Variants in SH3PXD2A observed in about 807,000 individuals in gnomAD.
SH3PXD2A encodes the protein SH3 and PX domains 2A.
A neutral mutation model predicts 115.2 loss-of-function variants in SH3PXD2A; 32 were observed. That is an observed-to-expected ratio of 0.28 (90% CI 0.21 to 0.37). The LOEUF (loss-of-function observed/expected upper bound fraction) is 0.37, where lower values mean the gene tolerates loss of function less well. Among genes scored for constraint, SH3PXD2A ranks in the 10% least tolerant of loss-of-function variants. SH3PXD2A has a pLI of 1.00. For missense variants in SH3PXD2A, 1,328 were observed against 1,498.7 expected (o/e 0.89, Z 1.88); for synonymous variants, 610 against 629.1 (o/e 0.97, Z 0.45).
At chr10:103,639,627 GAAAA>G (rs1432822653) in intron 8 of SH3PXD2A, among the ~76,000 whole-genome samples, 913 of 70,720 alleles carry the variant, frequency 0.013, 15 homozygotes, top group African/African-American at 0.045. Context: ...AAAAAAAAAA[GAAAA>G]AGAAAAAAAA....
intron 8 of SH3PXD2A, among the ~76,000 whole-genome samples, chr10:103,656,052 T>C (rs912935627): frequency 3.9e-5 from 6 of 152,226 alleles, no homozygotes; most frequent in Non-Finnish European, 4.4e-5. Flanking sequence ...AGAAAACAAA[T>C]TGATTTCTAC....
At chr10:103,849,687 G>A (rs562481499) in intron 1 of SH3PXD2A, among the ~76,000 whole-genome samples, 87 of 152,170 alleles carry the variant, frequency 5.7e-4, no homozygotes, top group Non-Finnish European at 1.1e-3. Flanking sequence ...CTGGGAATCC[G>A]CCTCTGGAAG....
At chr10:103,643,327 G>A (rs1253291573) in intron 8 of SH3PXD2A, among the ~76,000 whole-genome samples, 2 of 152,174 alleles carry the variant, frequency 1.3e-5, no homozygotes, top group South Asian at 2.1e-4. Context: ...CAAGCCCTCC[G>A]GCCAGGTGAA....
intron 12 of SH3PXD2A, among the ~76,000 whole-genome samples, 185 bp from the exon 13 acceptor site, chr10:103,611,815 A>G (rs1411040293): frequency 6.6e-6 from 1 of 152,228 alleles, no homozygotes; most frequent in East Asian, 1.9e-4. Flanking sequence ...AGGGGAAACT[A>G]TAGACCTTTA....
At chr10:103,730,232 C>CTTTTTTT (rs67561170) in intron 4 of SH3PXD2A, among the ~76,000 whole-genome samples, 4 of 118,232 alleles carry the variant, frequency 3.4e-5, no homozygotes, top group Admixed American at 8.6e-5. Context: ...TTTCTCGTTT[C>CTTTTTTT]TTTTTTTTTT....
At chr10:103,793,282 C>T (rs1250353673) in intron 2 of SH3PXD2A, among the ~76,000 whole-genome samples, 1 of 152,112 alleles carries the variant, frequency 6.6e-6, no homozygotes, top group Non-Finnish European at 1.5e-5. Context: ...AAAACATTTA[C>T]ATTCATATGC....
intron 5 of SH3PXD2A, among the ~76,000 whole-genome samples, chr10:103,716,404 T>C (rs2038105646): frequency 6.6e-6 from 1 of 152,162 alleles, no homozygotes; most frequent in South Asian, 2.1e-4. Flanking sequence ...CCTCGGAACA[T>C]TGGGGCATTG....
At chr10:103,675,042 G>A (rs1010676272) in intron 6 of SH3PXD2A, among the ~76,000 whole-genome samples, 3 of 152,202 alleles carry the variant, frequency 2.0e-5, no homozygotes, top group Non-Finnish European at 4.4e-5. Flanking sequence ...GCAGCAGCCA[G>A]CTGGTCAGAG....
At chr10:103,812,796 A>G (rs1259324750) in intron 1 of SH3PXD2A, among the ~76,000 whole-genome samples, 4 of 152,200 alleles carry the variant, frequency 2.6e-5, no homozygotes, top group Non-Finnish European at 5.9e-5. Context: ...TTTTGACACA[A>G]GGCAAATAGC....
intron 3 of SH3PXD2A, among the ~76,000 whole-genome samples, chr10:103,751,223 T>G (rs184714299): frequency 6.6e-6 from 1 of 152,366 alleles, no homozygotes; most frequent in East Asian, 1.9e-4. Context: ...ATGACTTTTG[T>G]AGACTACAAG....
At chr10:103,664,752 C>T (rs981834281) in intron 7 of SH3PXD2A, among the ~76,000 whole-genome samples, 2 of 151,864 alleles carry the variant, frequency 1.3e-5, no homozygotes, top group Non-Finnish European at 2.9e-5. Context: ...CTGCAACCTC[C>T]GCCCCCCAGG....
chr10:103,651,937 C>T (rs1030282081), intron 8 of SH3PXD2A, among the ~76,000 whole-genome samples: 3 of 152,214 alleles, frequency 2.0e-5, no homozygotes, highest in Non-Finnish European at 4.4e-5. Flanking sequence ...CAACGGGCCC[C>T]GTCACAAGAG....
intron 6 of SH3PXD2A, among the ~76,000 whole-genome samples, chr10:103,674,185 A>G (rs550993597): frequency 1.3e-3 from 200 of 152,352 alleles, no homozygotes; most frequent in African/African-American, 3.9e-3. Context: ...GGAAACCAGG[A>G]AATTCGGCCA....
chr10:103,804,558 G>T (rs1025938238), intron 1 of SH3PXD2A, among the ~76,000 whole-genome samples: 2 of 151,832 alleles, frequency 1.3e-5, no homozygotes, highest in South Asian at 4.2e-4. Context: ...TTCTCACCTC[G>T]TGATCTGCTT....
chr10:103,789,530 T>TAC (rs72505791), intron 2 of SH3PXD2A, among the ~76,000 whole-genome samples: 11,508 of 145,150 alleles, frequency 0.079, 452 homozygotes, highest in Middle Eastern at 0.1. Flanking sequence ...TGTGTATACG[T>TAC]ACACACACAC....
At chr10:103,811,077 C>T (rs1002033540) in intron 1 of SH3PXD2A, among the ~76,000 whole-genome samples, 2 of 152,176 alleles carry the variant, frequency 1.3e-5, no homozygotes, top group Non-Finnish European at 2.9e-5. Flanking sequence ...AAAACAATGA[C>T]GGTCCCCAGG....
At chr10:103,759,127 C>T (rs373037038) in intron 3 of SH3PXD2A, among the ~76,000 whole-genome samples, 4 of 152,146 alleles carry the variant, frequency 2.6e-5, no homozygotes, top group Admixed American at 6.5e-5. Flanking sequence ...GAACAAATAC[C>T]GGATCTTCTG....
intron 5 of SH3PXD2A, among the ~76,000 whole-genome samples, chr10:103,713,833 G>A (rs2038073324): frequency 6.6e-6 from 1 of 152,254 alleles, no homozygotes; most frequent in Non-Finnish European, 1.5e-5. Flanking sequence ...GGGTTTGCCA[G>A]AGCCTATAAT....
chr10:103,745,139 C>T (rs1014028738), intron 3 of SH3PXD2A, among the ~76,000 whole-genome samples: 2 of 152,204 alleles, frequency 1.3e-5, no homozygotes, highest in Non-Finnish European at 2.9e-5. Context: ...ATGCCAAGCC[C>T]CAAGCTGCTA....
Sources: allele counts gnomAD v4.1 joint callset (sites outside exome capture counted in the v4.1 genomes callset), GRCh38; gene constraint gnomAD v4.1.1; transcripts MANE v1.5; gene names NCBI Gene and HGNC (gene_info 2026-07-23, HGNC 2026-07-21).